HEPH: variants seen among roughly 807,000 people sequenced by gnomAD.
The protein encoded by HEPH is hephaestin.
Under a neutral mutation model 80.8 loss-of-function variants are expected in HEPH, and 69 were observed. The observed-to-expected ratio is 0.85, with a 90% CI of 0.70 to 1.04. The LOEUF (loss-of-function observed/expected upper bound fraction) is 1.04. HEPH is among the 50% of genes least tolerant of loss of function. HEPH has a pLI of 0.00. For missense variants in HEPH, 1,115 were observed against 891.3 expected, an observed-to-expected ratio of 1.25 and a Z score of -3.20; for synonymous variants, 431 against 322.8, an observed-to-expected ratio of 1.34 and a Z score of -3.60.
intron 15 of HEPH, among the ~76,000 whole-genome samples, chrX:66,230,407 TC>T (rs1371404575): frequency 1.9e-5 from 2 of 106,265 alleles, no homozygotes; most frequent in Non-Finnish European, 3.8e-5. Flanking sequence ...GTAAGAGTGT[TC>T]CTATTTCTCC....
At chrX:66,242,157 G>A (rs747392718) in intron 15 of HEPH, among the ~76,000 whole-genome samples, 62 of 110,188 alleles carry the variant, frequency 5.6e-4, no homozygotes, top group Non-Finnish European at 9.9e-4. Flanking sequence ...TGGGGTATTG[G>A]TACAAAAGCA....
intron 15 of HEPH, among the ~76,000 whole-genome samples, chrX:66,240,543 C>T (rs1050460947): frequency 9.3e-6 from 1 of 107,828 alleles, no homozygotes; most frequent in East Asian, 2.9e-4. Flanking sequence ...AATGCACCCA[C>T]CCCAGACATA....
At chrX:66,197,930 G>C (rs1238475693) in intron 10 of HEPH, 36 bp downstream of exon 10, 1 of 1,115,245 alleles carries the variant, frequency 9.0e-7, no homozygotes, top group Non-Finnish European at 1.2e-6. Flanking sequence ...AAGCCTGCTG[G>C]GAGAAGGATG....
chrX:66,201,921 A>T (rs1450247139), intron 12 of HEPH, among the ~76,000 whole-genome samples: 1 of 112,379 alleles, frequency 8.9e-6, no homozygotes, highest in Non-Finnish European at 1.9e-5. Context: ...GGTAAGGGAA[A>T]TAGAAGAAGT....
intron 5 of HEPH, 134 bp from the exon 6 acceptor site, chrX:66,189,550 A>G (rs2087679227): frequency 6.2e-6 from 4 of 650,366 alleles, no homozygotes; most frequent in Non-Finnish European, 9.3e-6. Flanking sequence ...TTTAAAGAAG[A>G]TAATACATAG....
intron 4 of HEPH, among the ~76,000 whole-genome samples, chrX:66,186,620 G>A (rs2069843955): frequency 8.9e-6 from 1 of 111,995 alleles, no homozygotes; most frequent in African/African-American, 3.2e-5. Flanking sequence ...CTAGTGAGAT[G>A]AACCCGGTAC....
chrX:66,164,504 C>T (rs1364109019), intron 1 of HEPH, 34 bp downstream of exon 1: 1 of 747,521 alleles, frequency 1.3e-6, no homozygotes, highest in Non-Finnish European at 1.6e-6. Flanking sequence ...CAAACTCTAC[C>T]TCACCTGCCT....
At chrX:66,167,407 CT>C (rs1421682455) in intron 1 of HEPH, among the ~76,000 whole-genome samples, 1 of 112,217 alleles carries the variant, frequency 8.9e-6, no homozygotes, top group Non-Finnish European at 1.9e-5. Flanking sequence ...GTACTAGTCT[CT>C]CCCAGGAATA....
At chrX:66,208,548 G>T (rs1490348264) in intron 15 of HEPH, among the ~76,000 whole-genome samples, 1 of 101,043 alleles carries the variant, frequency 9.9e-6, no homozygotes. Context: ...GAACCCAGGA[G>T]GTGGAGGCTG....
At chrX:66,177,947 A>AT (rs34358638) in intron 4 of HEPH, among the ~76,000 whole-genome samples, 38,250 of 107,988 alleles carry the variant, frequency 0.35, 7,455 homozygotes, top group African/African-American at 0.74. Context: ...AGATTGAAGA[A>AT]TTTTTTTTTT....
chrX:66,193,491 T>A lies in HEPH; in HGVS notation c.1233-11T>A. On this transcript the variant is annotated splice_polypyrimidine_tract_variant and intron_variant, in intron 7 of 20. Coordinates refer to ENST00000343002, the MANE Select transcript of HEPH (RefSeq NM_001367233.3). Reference sequence around the variant, plus strand: ...ATGAAATAATATCATATTTTCCTTTTTATACATCAGTATCTCAGATAAGTT... The same window carrying A: ...ATGAAATAATATCATATTTTCCTTTATATACATCAGTATCTCAGATAAGTT... 8.7e-7 allele frequency: 1 copy of A among 1,150,708 alleles called. No homozygotes were observed. The highest frequency in any genetic ancestry group is 1.8e-5 in the African/African-American group (1 of 55,682). 94.8% of individuals were successfully genotyped at this position (1,150,708 alleles called of 1,213,427 possible).
At chrX:66,172,765 T>C (rs1381124647) in intron 3 of HEPH, among the ~76,000 whole-genome samples, 166 bp downstream of exon 3, 1 of 112,292 alleles carries the variant, frequency 8.9e-6, no homozygotes, top group Admixed American at 9.5e-5. Context: ...TGGTATCAGT[T>C]CTGCCATTCA....
intron 4 of HEPH, 142 bp from the exon 5 acceptor site, chrX:66,188,212 TTAATC>T (rs2087585183): frequency 2.2e-6 from 1 of 456,704 alleles, no homozygotes; most frequent in Admixed American, 4.5e-5. Flanking sequence ...GAAATGGAAA[TTAATC>T]TAAGAGGGTT....
intron 15 of HEPH, among the ~76,000 whole-genome samples, chrX:66,219,601 G>A (rs774447005): frequency 9.0e-6 from 1 of 111,291 alleles, no homozygotes; most frequent in Non-Finnish European, 1.9e-5. Flanking sequence ...GTATCCCCAC[G>A]AGCTGTCTTG....
chrX:66,233,529 G>C (rs1185492635), intron 15 of HEPH, among the ~76,000 whole-genome samples: 1 of 111,333 alleles, frequency 9.0e-6, no homozygotes, highest in Non-Finnish European at 1.9e-5. Context: ...TGAGCAGTTT[G>C]TTTGGACAGA....
At chrX:66,186,118 G>A (rs1208816583) in intron 4 of HEPH, among the ~76,000 whole-genome samples, 2 of 63,169 alleles carry the variant, frequency 3.2e-5, no homozygotes, top group African/African-American at 1.4e-4. Context: ...CTGTCAGACA[G>A]GGACACTTAA....
chrX:66,235,068 T>C (rs761097328), intron 15 of HEPH, among the ~76,000 whole-genome samples: 1 of 111,675 alleles, frequency 9.0e-6, no homozygotes, highest in South Asian at 3.7e-4. Context: ...TGTAAATTTG[T>C]TTAAGTTCCT....
intron 15 of HEPH, among the ~76,000 whole-genome samples, chrX:66,217,929 A>C (rs962995335): frequency 8.9e-6 from 1 of 111,919 alleles, no homozygotes; most frequent in African/African-American, 3.2e-5. Flanking sequence ...ACAGCAGTTA[A>C]AAAAGGCAAA....
intron 19 of HEPH, 64 bp downstream of exon 19, chrX:66,260,326 T>A: frequency 1.0e-6 from 1 of 964,925 alleles, no homozygotes; most frequent in Non-Finnish European, 1.4e-6. Context: ...AGGAAGCAGG[T>A]AATACCAAAA....
Sources: gnomAD v4.1 joint callset for allele counts (sites outside exome capture counted in the v4.1 genomes callset) on GRCh38, gnomAD v4.1.1 for gene constraint, MANE v1.5 for transcripts, NCBI Gene and HGNC (gene_info 2026-07-23, HGNC 2026-07-21) for gene names.